The following SETX variants were observed in gnomAD, a reference collection of about 807,000 sequenced individuals.
The protein encoded by SETX is senataxin.
Under a neutral mutation model 227.2 loss-of-function variants are expected in SETX, and 90 were observed. The ratio of observed to expected loss-of-function variants is 0.40; its 90% CI spans 0.33 to 0.47. SETX has a LOEUF of 0.47. Among genes scored for constraint, SETX ranks in the 20% least tolerant of loss-of-function variants. SETX has a pLI of 0.91. For synonymous variants in SETX, 1,210 were observed against 1,113.2 expected (o/e 1.09, Z -1.73); for missense variants, 3,052 against 3,181.5 (o/e 0.96, Z 0.98).
At position 132,277,103 on chromosome 9, in the gene SETX, G is replaced by A. The variant is rs1380878862; in HGVS notation, c.6892C>T (p.Leu2298Phe). Reference protein sequence around the residue: ...CSSDWPFQPYLVFDVGDGSER... With the variant: ...CSSDWPFQPYFVFDVGDGSER... The stretch of plus-strand genomic sequence containing the variant: ...GAACCATCTCCAACATCAAACACAA[G>A]GTATGGCTGAAATGGCCAATCTGAT... The change falls in exon 22 of 26, where the codon CTT becomes TTT. Residue 2298 changes from leucine (L) to phenylalanine (F), a missense_variant. By Grantham distance (22) the Leu-to-Phe change is conservative. Transcript: ENST00000224140. The A allele has an allele frequency of 2.5e-6, 4 of 1,613,582 alleles. No homozygotes were observed.
Position 132,326,536 on chromosome 9 carries a change from C to CTT in SETX, c.5061_5062insAA (p.Val1688LysfsTer2), listed in dbSNP as rs1228633675. The CTT allele has an allele frequency of 1.9e-6, 3 of 1,614,118 alleles. No homozygotes were observed. The highest frequency in any genetic ancestry group is 2.5e-6 in the Non-Finnish European group (3 of 1,180,016). ...GACTGTGATGACAAAAGAATGTTTACTGGAGAGGAAGATGGAAAATATTTG... is the reference window on the plus strand; with the variant it reads ...GACTGTGATGACAAAAGAATGTTTACTTTGGAGAGGAAGATGGAAAATATTTG... On this transcript the variant is annotated frameshift_variant, in exon 10 of 26. Coordinates refer to ENST00000224140, the MANE Select transcript of SETX (RefSeq NM_015046.7). LOFTEE classifies it high-confidence loss of function.
chr9:132,317,429 T>C (rs2131379117), intron 10 of SETX, among the ~76,000 whole-genome samples: 1 of 152,320 alleles, frequency 6.6e-6, no homozygotes, highest in Non-Finnish European at 1.5e-5. Flanking sequence ...CTACAACTGT[T>C]CCATCAATTG....
rs1843654814 is a variant in SETX, at chr9:132,283,413, C to T, written c.6397G>A (p.Val2133Ile). Residue 2133 changes from valine to isoleucine, a missense_variant and splice_region_variant, in exon 19 of 26, where the codon GTT (valine) becomes ATT (isoleucine). Physicochemically the swap from Val to Ile is conservative, Grantham distance 29. Coordinates refer to ENST00000224140, the MANE Select transcript of SETX (RefSeq NM_015046.7). ...TGTGTTTTCTGTGGGCGTCCTTGAA[C>T]CTAAGAGAACAAAGGTTAAATCAAT... ...RQELASKIKEVQGRPQKTQSI... is the reference protein window; with the variant it reads ...RQELASKIKEIQGRPQKTQSI... 1.2e-6 allele frequency: 2 copies of T among 1,614,092 alleles called. No homozygotes were observed. The highest frequency in any genetic ancestry group is 1.1e-5 in the South Asian group (1 of 91,084).
intron 11 of SETX, 57 bp downstream of exon 11, chr9:132,311,696 CTTAA>C: frequency 8.1e-7 from 1 of 1,227,176 alleles, no homozygotes; most frequent in East Asian, 2.4e-5. Flanking sequence ...GCTATCTCCT[CTTAA>C]TTAGAAATCT....
chr9:132,283,383 T>C lies in SETX; in HGVS notation c.6427A>G (p.Ile2143Val). 2 of 1,614,184 alleles carry C rather than the reference T, an allele frequency of 1.2e-6. No homozygotes were observed. The highest frequency in any genetic ancestry group is 8.5e-7 in the Non-Finnish European group (1 of 1,180,038). The change falls in exon 19 of 26, where the codon ATC becomes GTC. Residue 2143 changes from isoleucine (I) to valine (V), a missense_variant. Physicochemically the swap from Ile to Val is conservative, Grantham distance 29. Around this residue, in one of 10 missense-constraint regions of SETX, gnomAD observed 412 missense variants for 589.0 expected, o/e 0.70. Transcript: ENST00000224140. ...ATGATATGGGACTCTAAGATGATGA[T>C]ACTCTGTGTTTTCTGTGGGCGTCCT... is the stretch of plus-strand genomic sequence containing the variant. ...VQGRPQKTQSIIILESHIICC... is the reference protein window; with the variant it reads ...VQGRPQKTQSVIILESHIICC...
chr9:132,296,055 A>G (rs1223463418), intron 14 of SETX, 27 bp from the exon 15 acceptor site: 15 of 1,614,004 alleles, frequency 9.3e-6, no homozygotes, highest in Non-Finnish European at 1.2e-5. Context: ...ATACATACCA[A>G]ACAAACACAC....
chr9:132,291,625 G>A (rs926791316), intron 15 of SETX, among the ~76,000 whole-genome samples: 2 of 152,220 alleles, frequency 1.3e-5, no homozygotes, highest in South Asian at 4.2e-4. Context: ...ATCCCTAGAG[G>A]CCAAAAACAG....
intron 7 of SETX, among the ~76,000 whole-genome samples, chr9:132,333,878 G>C (rs904083772): frequency 6.6e-6 from 1 of 152,016 alleles, no homozygotes; most frequent in African/African-American, 2.4e-5. Flanking sequence ...TGACTAGTGG[G>C]ACCAAATAAC....
At position 132,336,338 on chromosome 9, in the gene SETX, A is replaced by AG; in HGVS notation, c.675dup (p.Ser226LeufsTer5). Reference sequence around the variant, plus strand: ...TAGTTGGTAGTATCATACATGTGTGAGGGCAGAAGAATCAGTTTACCCTTC... The same window carrying AG: ...TAGTTGGTAGTATCATACATGTGTGAGGGGCAGAAGAATCAGTTTACCCTTC... On this transcript the variant is annotated frameshift_variant, in exon 6 of 26. Coordinates refer to ENST00000224140, the MANE Select transcript of SETX (RefSeq NM_015046.7). LOFTEE classifies it high-confidence loss of function. The AG allele has an allele frequency of 6.2e-7, 1 of 1,614,022 alleles. No individual in the cohort carries two copies. The highest frequency in any genetic ancestry group is 8.5e-7 in the Non-Finnish European group (1 of 1,179,868).
intron 5 of SETX, 99 bp from the exon 6 acceptor site, chr9:132,336,614 G>T: frequency 2.3e-6 from 2 of 880,304 alleles, no homozygotes; most frequent in Non-Finnish European, 1.9e-6. Context: ...TATTTTAAAA[G>T]ACATGTGACA....
At chr9:132,269,808 G>C in intron 24 of SETX, 106 bp from the exon 25 acceptor site, 2 of 1,163,690 alleles carry the variant, frequency 1.7e-6, no homozygotes, top group South Asian at 2.5e-5. Flanking sequence ...GTCTGACAGA[G>C]GTGGAATCTT....
chr9:132,339,915 A>AT (rs1326570761), intron 5 of SETX, among the ~76,000 whole-genome samples: 32 of 152,244 alleles, frequency 2.1e-4, no homozygotes, highest in African/African-American at 7.7e-4. Flanking sequence ...GTGCCCAGCC[A>AT]TATCTCCGGT....
At position 132,261,656 on chromosome 9, in the gene SETX, A is replaced by G. The variant is rs1842418708; in HGVS notation, c.*2583T>C. The G allele has an allele frequency of 6.5e-6, 1 of 153,028 alleles. No homozygotes were observed. Among genetic ancestry groups the G allele is most frequent in the Admixed American group, 6.5e-5 (1 of 15,312 alleles). 9.5% of individuals were successfully genotyped at this position (153,028 alleles called of 1,614,324 possible). On this transcript the variant is annotated 3_prime_UTR_variant, in exon 26 of 26. Transcript: ENST00000224140. ...TCTGCACAACTTTAAAAAATAGTTC[A>G]GTACATTTTTGTTATAAAATTCATT... is the stretch of plus-strand genomic sequence containing the variant.
intron 15 of SETX, among the ~76,000 whole-genome samples, chr9:132,293,454 T>C (rs1844460026): frequency 6.6e-6 from 1 of 152,044 alleles, no homozygotes; most frequent in African/African-American, 2.4e-5. Context: ...GCAGTTTCAC[T>C]CTTGTTGCCC....
Position 132,277,451 on chromosome 9 carries a change from A to T in SETX, c.6843-299T>A, listed in dbSNP as rs1843224077. Among the ~76,000 whole-genome samples, 5 of 152,162 alleles carry T rather than the reference A, an allele frequency of 3.3e-5. No homozygotes were observed. The South Asian group carries it at 1.0e-3, about 32-fold the overall frequency. On this transcript the variant is annotated intron_variant, in intron 21 of 25. Transcript: ENST00000224140. ...ATGGTCCCACATTTTTCCTTCAAAA[A>T]TTTAAAAAGTAAAAAAAGATATGCA...
At chr9:132,302,774 A>G (rs1391839876) in intron 11 of SETX, among the ~76,000 whole-genome samples, 1 of 152,032 alleles carries the variant, frequency 6.6e-6, no homozygotes, top group Admixed American at 6.5e-5. Context: ...TTTACAAAGA[A>G]CAAAACTGAA....
chr9:132,330,793 A>G (rs562404889), intron 9 of SETX, among the ~76,000 whole-genome samples: 5 of 152,340 alleles, frequency 3.3e-5, no homozygotes, highest in African/African-American at 1.2e-4. Context: ...ATTTCTAGTC[A>G]TGCCATGTAT....
intron 4 of SETX, among the ~76,000 whole-genome samples, chr9:132,343,103 A>T (rs966092203): frequency 6.6e-6 from 1 of 152,066 alleles, no homozygotes; most frequent in Non-Finnish European, 1.5e-5. Context: ...GCGGATCACA[A>T]GGTCAGGAGA....
Position 132,331,178 on chromosome 9 carries a change from G to T in SETX, c.1011-39C>A, listed in dbSNP as rs372210079. 22 of 1,606,542 alleles carry T rather than the reference G, an allele frequency of 1.4e-5. No homozygotes were observed. The East Asian group carries it at 4.0e-4, about 29-fold the overall frequency. ...AATAAATAGAAATTACTGAAACGAA[G>T]GGGGAAAAAAAGGAAGAAACACCTC... is the stretch of plus-strand genomic sequence containing the variant. On this transcript the variant is annotated intron_variant, in intron 8 of 25. Coordinates refer to ENST00000224140, the MANE Select transcript of SETX (RefSeq NM_015046.7).
Sources: gnomAD v4.1 joint callset for allele counts (sites outside exome capture counted in the v4.1 genomes callset) on GRCh38, gnomAD v4.1.1 for gene constraint, gnomAD v4.1.1 regional missense constraint, MANE v1.5 for transcripts, NCBI Gene and HGNC (gene_info 2026-07-23, HGNC 2026-07-21) for gene names.